Variants in TANC2 observed in about 807,000 individuals in gnomAD.
TANC2 encodes tetratricopeptide repeat, ankyrin repeat and coiled-coil containing 2.
TANC2 carries 26 observed loss-of-function variants against 210.5 expected under a neutral mutation model. That is an observed-to-expected ratio of 0.12 (90% CI 0.09 to 0.17). TANC2 has a LOEUF of 0.17. TANC2 is among the 10% of genes least tolerant of loss of function. The pLI, the probability that TANC2 is intolerant of heterozygous loss-of-function variation, is 1.00. For synonymous variants in TANC2, 931 were observed against 967.1 expected, an observed-to-expected ratio of 0.96 and a Z score of 0.69; for missense variants, 2,129 against 2,608.9, an observed-to-expected ratio of 0.82 and a Z score of 4.01.
intron 8 of TANC2, among the ~76,000 whole-genome samples, chr17:63,243,421 T>C (rs1381863938): frequency 6.6e-6 from 1 of 152,232 alleles, no homozygotes; most frequent in African/African-American, 2.4e-5. Flanking sequence ...TAAAGTTTTA[T>C]CAGTTTTATT....
At chr17:63,395,776 T>G (rs2048137506) in exon 18 of TANC2, 1 of 1,613,432 alleles carries the variant, frequency 6.2e-7, no homozygotes, top group Non-Finnish European at 8.5e-7. Context: ...GCAGTGTGCT[T>G]TGGTTCATGC....
rs565606696 is a variant in TANC2 at position 63,000,675 on chromosome 17, C to T, written c.-23-8862C>T. ...TTTTCCTGTCCAGATATTTCACTTG[C>T]CAGGGATGTATCTGATGATTCCTCC... On this transcript the variant is annotated intron_variant, in intron 1 of 27. Transcript: ENST00000689528. Among the ~76,000 whole-genome samples the T allele has an allele frequency of 6.9e-4, 105 of 152,220 alleles. 1 individual carries two copies. Among genetic ancestry groups the T allele is most frequent in the African/African-American group, 2.5e-3 (104 of 41,524 alleles).
intron 11 of TANC2, among the ~76,000 whole-genome samples, chr17:63,319,334 C>T (rs964945263): frequency 6.6e-5 from 10 of 151,882 alleles, no homozygotes; most frequent in Non-Finnish European, 1.3e-4. Flanking sequence ...AAGTTGAGAC[C>T]GAAGTGGGTT....
At chr17:62,992,594 T>G (rs971653896) in intron 1 of TANC2, among the ~76,000 whole-genome samples, 17 of 152,214 alleles carry the variant, frequency 1.1e-4, no homozygotes, top group African/African-American at 4.1e-4. Flanking sequence ...TATTGAGAAC[T>G]GAGAACTTTA....
At chr17:63,134,320 A>G (rs2039017933) in intron 4 of TANC2, among the ~76,000 whole-genome samples, 1 of 152,216 alleles carries the variant, frequency 6.6e-6, no homozygotes, top group African/African-American at 2.4e-5. Flanking sequence ...ATTATATACT[A>G]ATAACACCTA....
intron 4 of TANC2, among the ~76,000 whole-genome samples, chr17:63,137,273 C>T (rs1473654650): frequency 6.6e-6 from 1 of 152,128 alleles, no homozygotes. Context: ...CCACAATTGA[C>T]TTACCTGCTT....
intron 21 of TANC2, among the ~76,000 whole-genome samples, chr17:63,408,896 G>A (rs1301801911): frequency 6.6e-6 from 1 of 152,192 alleles, no homozygotes; most frequent in Admixed American, 6.5e-5. Context: ...CGTTGTCTTA[G>A]GTACTCTTCT....
intron 9 of TANC2, among the ~76,000 whole-genome samples, chr17:63,302,925 G>A (rs1034475710): frequency 4.0e-5 from 6 of 151,872 alleles, no homozygotes; most frequent in South Asian, 2.1e-4. Context: ...CACCATGCCT[G>A]GCTAATTTTT....
intron 11 of TANC2, among the ~76,000 whole-genome samples, chr17:63,335,408 C>T (rs533166394): frequency 1.3e-5 from 2 of 152,018 alleles, no homozygotes; most frequent in East Asian, 1.9e-4. Flanking sequence ...GTCAGGAGTT[C>T]GAGACCAGCC....
Position 63,412,165 on chromosome 17 carries a change from C to T in TANC2, c.3898+35C>T, listed in dbSNP as rs761671116. The T allele has an allele frequency of 3.7e-6, 6 of 1,613,426 alleles. No homozygotes were observed. In the East Asian group the frequency reaches 1.1e-4, roughly 30 times the overall value. ...GGGAAGAGGATGTTGGCCATCTGTG[C>T]CCAGGGGCCAGACTGGTCCAGTGGT... On this transcript the variant is annotated intron_variant, in intron 23 of 27. Transcript: ENST00000689528. This position sits in a 1 kb window ranked among gnomAD's most constrained non-coding sequence, Gnocchi z 4.2.
intron 5 of TANC2, among the ~76,000 whole-genome samples, chr17:63,158,704 A>G (rs1034313609): frequency 5.3e-4 from 81 of 152,328 alleles, no homozygotes; most frequent in African/African-American, 1.9e-3. Flanking sequence ...TTAGTTATCT[A>G]TTGTTGCATA....
At chr17:63,053,290 C>T (rs935877759) in intron 2 of TANC2, among the ~76,000 whole-genome samples, 1 of 152,204 alleles carries the variant, frequency 6.6e-6, no homozygotes, top group Admixed American at 6.5e-5. Context: ...GAACTTAATC[C>T]CATCGGGTTT....
At chr17:63,289,450 A>G (rs1208337476) in intron 9 of TANC2, among the ~76,000 whole-genome samples, 2 of 152,098 alleles carry the variant, frequency 1.3e-5, no homozygotes, top group African/African-American at 2.4e-5. Context: ...TCTGATTTTT[A>G]TCTATTAATA....
chr17:63,304,128 A>C (rs1203285680), intron 9 of TANC2, among the ~76,000 whole-genome samples: 1 of 151,994 alleles, frequency 6.6e-6, no homozygotes, highest in Non-Finnish European at 1.5e-5. Flanking sequence ...GCGCCCTTGC[A>C]GGAGAGGCGT....
At chr17:63,215,807 T>C (rs1035338822) in intron 7 of TANC2, among the ~76,000 whole-genome samples, 1 of 152,104 alleles carries the variant, frequency 6.6e-6, no homozygotes, top group African/African-American at 2.4e-5. Flanking sequence ...TGGAGTTCAG[T>C]GGTGTGGTAT....
chr17:63,192,264 C>G (rs746076801), intron 5 of TANC2, among the ~76,000 whole-genome samples: 5 of 152,042 alleles, frequency 3.3e-5, no homozygotes, highest in Non-Finnish European at 7.4e-5. Flanking sequence ...TAAAAAATAC[C>G]AGTCAAACCA....
chr17:63,397,212 T>C (rs1328407551), intron 18 of TANC2, among the ~76,000 whole-genome samples: 1 of 151,928 alleles, frequency 6.6e-6, no homozygotes, highest in African/African-American at 2.4e-5. Flanking sequence ...GAGGTGGAGG[T>C]TGCAGTGAGC....
intron 7 of TANC2, among the ~76,000 whole-genome samples, chr17:63,205,369 A>C (rs1015074895): frequency 2.0e-5 from 3 of 148,746 alleles, no homozygotes; most frequent in Non-Finnish European, 4.5e-5. Flanking sequence ...AAAAAAAAAA[A>C]AAACCTCATA....
chr17:63,031,148 T>C (rs2034753913), intron 2 of TANC2, among the ~76,000 whole-genome samples: 1 of 152,100 alleles, frequency 6.6e-6, no homozygotes, highest in Non-Finnish European at 1.5e-5. Flanking sequence ...ATTTCTATGA[T>C]TGTTCTTGAC....
Sources: gnomAD v4.1 joint callset for allele counts (sites outside exome capture counted in the v4.1 genomes callset) on GRCh38, gnomAD v4.1.1 for gene constraint, Gnocchi (gnomAD v3.1) non-coding constraint, MANE v1.5 for transcripts, NCBI Gene and HGNC (gene_info 2026-07-23, HGNC 2026-07-21) for gene names.